TTC17: variants seen among roughly 807,000 people sequenced by gnomAD.
TTC17 encodes the protein tetratricopeptide repeat protein 17.
In TTC17, 58 loss-of-function variants were observed where a neutral mutation model predicts 143.8. The observed-to-expected ratio is 0.40, with a 90% CI of 0.33 to 0.50. The LOEUF is 0.50. Ranked by LOEUF, TTC17 falls within the 20% of genes least tolerant of loss-of-function variation. TTC17 has a pLI of 0.49. For synonymous variants in TTC17, 501 were observed against 497.8 expected, an observed-to-expected ratio of 1.01 and a Z score of -0.09; for missense variants, 1,273 against 1,392.5, an observed-to-expected ratio of 0.91 and a Z score of 1.37.
Position 43,405,631 on chromosome 11 carries a change from C to T in TTC17, c.1595+2C>T. The T allele has an allele frequency of 5.0e-6, 8 of 1,613,624 alleles. No homozygotes were observed. The highest frequency in any genetic ancestry group is 6.8e-6 in the Non-Finnish European group (8 of 1,179,616). ...GCCTCCGGAAAACAAAGGACTCAGG[C>T]AAGTGGTGATGGATTTGGCAAAGCA... is the stretch of plus-strand genomic sequence containing the variant. On this transcript the variant is annotated splice_donor_variant, in intron 12 of 23. Transcript: ENST00000039989. LOFTEE classifies it low-confidence loss of function (GC_TO_GT_DONOR).
At position 43,451,157 on chromosome 11, in the gene TTC17, A is replaced by C. The variant is rs766525313; in HGVS notation, c.2947-25A>C. 7 of 1,607,622 alleles carry C rather than the reference A, an allele frequency of 4.4e-6. No individual in the cohort carries two copies. The South Asian group carries it at 7.7e-5, about 18-fold the overall frequency. ...GATCCTGCATCGTTTTCATTCTTCT[A>C]ATCTACTATCTTCCTTCCTTCCAGG... is the stretch of plus-strand genomic sequence containing the variant. On this transcript the variant is annotated intron_variant, in intron 20 of 23. Coordinates refer to ENST00000039989, the MANE Select transcript of TTC17 (RefSeq NM_018259.6).
At chr11:43,486,157 T>TCC (rs35598925) in intron 21 of TTC17, among the ~76,000 whole-genome samples, 6 of 151,848 alleles carry the variant, frequency 4.0e-5, no homozygotes, top group Admixed American at 6.6e-5. Flanking sequence ...TACGCCATAG[T>TCC]CCCCCCCTTA....
rs766853488 is a variant in TTC17, at chr11:43,358,990, G to C, written c.36G>C (p.Glu12Asp). 35 of 1,582,364 alleles carry C rather than the reference G, an allele frequency of 2.2e-5. No homozygotes were observed. Among genetic ancestry groups the C allele is most frequent in the South Asian group, 3.4e-5 (3 of 88,028 alleles). The change falls in exon 1 of 24, where the codon GAG becomes GAC. Residue 12 changes from glutamate (E) to aspartate (D), a missense_variant. Coordinates refer to ENST00000039989, the MANE Select transcript of TTC17 (RefSeq NM_018259.6). Reference sequence around the variant, plus strand: ...CAGTAGGGGTTCGTGGCCGGTACGAGCTGCCGCCTTGCTCCGGCCCAGGCT... The same window carrying C: ...CAGTAGGGGTTCGTGGCCGGTACGACCTGCCGCCTTGCTCCGGCCCAGGCT... ...AAAVGVRGRY[E>D]LPPCSGPGWL...
intron 15 of TTC17, among the ~76,000 whole-genome samples, chr11:43,414,204 A>G (rs1223151385): frequency 6.6e-6 from 1 of 152,174 alleles, no homozygotes; most frequent in East Asian, 1.9e-4. Flanking sequence ...GAGAACATGC[A>G]GTTTGATTTC....
At chr11:43,486,215 GTCCAAAAATATTAAATGGAAAAT>G (rs1295896856) in intron 21 of TTC17, among the ~76,000 whole-genome samples, 6 of 151,930 alleles carry the variant, frequency 3.9e-5, no homozygotes, top group Non-Finnish European at 8.8e-5. Context: ...GTCTATTATG[GTCCAAAAATATTAAATGGAAAAT>G]TCCAAAAATA....
chr11:43,359,624 GTTGTGTTGGTTTCAGCT>G (rs1222567106), intron 1 of TTC17, among the ~76,000 whole-genome samples: 1 of 152,198 alleles, frequency 6.6e-6, no homozygotes, highest in Non-Finnish European at 1.5e-5. Context: ...TTCGTTTCTG[GTTGTGTTGGTTTCAGCT>G]TGTACCGTTA....
At chr11:43,453,180 AAG>A (rs1564969480) in intron 21 of TTC17, among the ~76,000 whole-genome samples, 2 of 152,084 alleles carry the variant, frequency 1.3e-5, no homozygotes, top group African/African-American at 4.8e-5. Context: ...TGACGAAAAT[AAG>A]AGAGTTAAAG....
At chr11:43,412,083 T>C (rs1232664990) in intron 15 of TTC17, among the ~76,000 whole-genome samples, 1 of 152,242 alleles carries the variant, frequency 6.6e-6, no homozygotes, top group Non-Finnish European at 1.5e-5. Flanking sequence ...TATAGATGTA[T>C]TTCAGTTAAA....
chr11:43,426,728 C>T (rs1025643081), intron 16 of TTC17, among the ~76,000 whole-genome samples: 14 of 152,146 alleles, frequency 9.2e-5, no homozygotes, highest in Non-Finnish European at 1.9e-4. Context: ...TATGGAATAA[C>T]TAGGATCTTG....
At chr11:43,452,891 C>G (rs1221436380) in intron 21 of TTC17, among the ~76,000 whole-genome samples, 1 of 152,124 alleles carries the variant, frequency 6.6e-6, no homozygotes, top group Admixed American at 6.5e-5. Context: ...CCACTGCACT[C>G]CAGCCTGGGC....
In TTC17 at chr11:43,444,048, T is replaced by A; in HGVS notation, c.2512-8T>A. On this transcript the variant is annotated splice_polypyrimidine_tract_variant and splice_region_variant and intron_variant, in intron 17 of 23. Coordinates refer to ENST00000039989, the MANE Select transcript of TTC17 (RefSeq NM_018259.6). ...CTCATTTGTCCCTAACATGTTTCTG[T>A]TTCCCAGATTACATTCCAGGTCAAA... The A allele has an allele frequency of 6.3e-7, 1 of 1,594,082 alleles. No individual in the cohort carries two copies. Among genetic ancestry groups the A allele is most frequent in the South Asian group, 1.2e-5 (1 of 86,084 alleles).
chr11:43,475,958 C>CT (rs1459413562), intron 21 of TTC17, among the ~76,000 whole-genome samples: 1 of 152,118 alleles, frequency 6.6e-6, no homozygotes, highest in Non-Finnish European at 1.5e-5. Context: ...GCGTTAACAC[C>CT]TGTGGTCCTG....
chr11:43,405,336 G>A (rs1167447832), intron 11 of TTC17, among the ~76,000 whole-genome samples, 178 bp from the exon 12 acceptor site: 1 of 151,952 alleles, frequency 6.6e-6, no homozygotes, highest in Non-Finnish European at 1.5e-5. Context: ...TGGTAAAGCA[G>A]GTAGAATTAC....
intron 21 of TTC17, among the ~76,000 whole-genome samples, chr11:43,480,785 A>AT (rs2134862493): frequency 6.6e-6 from 1 of 152,110 alleles, no homozygotes; most frequent in East Asian, 1.9e-4. Flanking sequence ...TTACAGTAAA[A>AT]TTTAAGGGTA....
At chr11:43,421,777 T>TAATACATATACA (rs542258671) in intron 16 of TTC17, among the ~76,000 whole-genome samples, 1 of 152,248 alleles carries the variant, frequency 6.6e-6, no homozygotes, top group Admixed American at 6.5e-5. Flanking sequence ...TCATCATATG[T>TAATACATATACA]TATAATGTAA....
intron 21 of TTC17, among the ~76,000 whole-genome samples, chr11:43,467,752 A>G (rs1948005990): frequency 6.6e-6 from 1 of 152,248 alleles, no homozygotes; most frequent in African/African-American, 2.4e-5. Flanking sequence ...GAAAATATCC[A>G]AACTGAAGAT....
At chr11:43,484,127 G>A (rs1484818268) in intron 21 of TTC17, among the ~76,000 whole-genome samples, 1 of 152,170 alleles carries the variant, frequency 6.6e-6, no homozygotes, top group Non-Finnish European at 1.5e-5. Flanking sequence ...GGGCGAGAGA[G>A]CGAGACTCCA....
chr11:43,368,059 A>G (rs1856418462), intron 1 of TTC17, among the ~76,000 whole-genome samples: 1 of 152,190 alleles, frequency 6.6e-6, no homozygotes, highest in Admixed American at 6.5e-5. Context: ...TAGCTCTTAC[A>G]TGCATTAGCA....
At chr11:43,392,263 T>C (rs992863853) in intron 5 of TTC17, among the ~76,000 whole-genome samples, 23 of 152,208 alleles carry the variant, frequency 1.5e-4, no homozygotes, top group South Asian at 8.3e-4. Context: ...AGTTAATGTT[T>C]TAGTGTCGTT....
Sources: allele counts gnomAD v4.1 joint callset (sites outside exome capture counted in the v4.1 genomes callset), GRCh38; gene constraint gnomAD v4.1.1; transcripts MANE v1.5; gene names NCBI Gene and HGNC (gene_info 2026-07-23, HGNC 2026-07-21).